Variants in PHKB observed in about 807,000 individuals in gnomAD.
PHKB encodes phosphorylase kinase regulatory subunit beta.
A neutral mutation model predicts 152.1 loss-of-function variants in PHKB; 122 were observed. The ratio of observed to expected loss-of-function variants is 0.80; its 90% CI spans 0.69 to 0.93. The LOEUF (loss-of-function observed/expected upper bound fraction) is 0.93, where lower values mean the gene tolerates loss of function less well. Among genes scored for constraint, PHKB ranks in the 40% least tolerant of loss-of-function variants. PHKB has a pLI of 0.00. For synonymous variants in PHKB, 436 were observed against 464.9 expected, an observed-to-expected ratio of 0.94 and a Z score of 0.80; for missense variants, 1,304 against 1,328.4, an observed-to-expected ratio of 0.98 and a Z score of 0.29.
intron 8 of PHKB, among the ~76,000 whole-genome samples, chr16:47,580,573 A>G (rs1190189825): frequency 6.6e-6 from 1 of 151,594 alleles, no homozygotes; most frequent in Non-Finnish European, 1.5e-5. Context: ...AAAAAAAAAA[A>G]AAGAAAATTT....
At chr16:47,634,064 AT>A (rs962252488) in intron 14 of PHKB, among the ~76,000 whole-genome samples, 1 of 152,002 alleles carries the variant, frequency 6.6e-6, no homozygotes, top group Non-Finnish European at 1.5e-5. Context: ...TAGATGGCTA[AT>A]TTTTTTTGGA....
intron 2 of PHKB, 87 bp from the exon 3 acceptor site, chr16:47,499,669 A>T: frequency 1.3e-6 from 2 of 1,500,582 alleles, no homozygotes; most frequent in Non-Finnish European, 1.9e-6. Context: ...CAGAAGTGGG[A>T]TGAGGAAACC....
At chr16:47,679,084 T>C (rs1973795363) in intron 26 of PHKB, among the ~76,000 whole-genome samples, 1 of 152,118 alleles carries the variant, frequency 6.6e-6, no homozygotes, top group Non-Finnish European at 1.5e-5. Context: ...TGGTTGTAGA[T>C]ATGTGGCATT....
At chr16:47,635,276 ATAAGTTTTTT>A (rs2151723211) in intron 14 of PHKB, among the ~76,000 whole-genome samples, 1 of 152,298 alleles carries the variant, frequency 6.6e-6, no homozygotes, top group Non-Finnish European at 1.5e-5. Context: ...ATGATGTTGG[ATAAGTTTTTT>A]AACCACTCTT....
chr16:47,512,370 A>G (rs1033929214), intron 5 of PHKB, among the ~76,000 whole-genome samples: 1 of 152,202 alleles, frequency 6.6e-6, no homozygotes, highest in South Asian at 2.1e-4. Context: ...AAAATTATTT[A>G]TGTGCAAAAG....
At chr16:47,546,493 G>T (rs758118949) in intron 6 of PHKB, among the ~76,000 whole-genome samples, 1 of 152,130 alleles carries the variant, frequency 6.6e-6, no homozygotes. Flanking sequence ...ACTCAGAGGG[G>T]CACCCAGCTG....
intron 4 of PHKB, among the ~76,000 whole-genome samples, chr16:47,509,005 T>C (rs943886287): frequency 6.6e-6 from 1 of 152,220 alleles, no homozygotes; most frequent in Admixed American, 6.5e-5. Flanking sequence ...ATATAAATTG[T>C]CCTGCTGGGT....
chr16:47,651,105 T>TG (rs899244911), intron 20 of PHKB, among the ~76,000 whole-genome samples, 184 bp downstream of exon 20: 6 of 152,160 alleles, frequency 3.9e-5, no homozygotes, highest in Admixed American at 1.3e-4. Context: ...CTTGAACACT[T>TG]GCAGCAATTT....
chr16:47,615,445 AGATT>A (rs1243704667), intron 14 of PHKB, among the ~76,000 whole-genome samples: 5 of 152,250 alleles, frequency 3.3e-5, no homozygotes, highest in Admixed American at 2.0e-4. Context: ...TGCTAAAGAC[AGATT>A]GATTGGCCAA....
At chr16:47,659,887 C>T (rs751051096) in intron 20 of PHKB, among the ~76,000 whole-genome samples, 32 of 151,958 alleles carry the variant, frequency 2.1e-4, no homozygotes, top group Non-Finnish European at 1.6e-4. Context: ...TTTTTTGAGA[C>T]GGAGTCTCAC....
intron 6 of PHKB, among the ~76,000 whole-genome samples, chr16:47,523,518 A>G (rs569424519): frequency 3.2e-4 from 48 of 152,328 alleles, no homozygotes; most frequent in African/African-American, 1.1e-3. Flanking sequence ...AAGCTCTCAT[A>G]GGAAGTGCCC....
At chr16:47,495,233 T>C (rs552028807) in intron 1 of PHKB, among the ~76,000 whole-genome samples, 1 of 151,638 alleles carries the variant, frequency 6.6e-6, no homozygotes, top group South Asian at 2.1e-4. Context: ...AGAATCACTA[T>C]AGTCCCTTAG....
At chr16:47,597,084 G>T (rs1972133473) in intron 13 of PHKB, among the ~76,000 whole-genome samples, 1 of 152,120 alleles carries the variant, frequency 6.6e-6, no homozygotes, top group Non-Finnish European at 1.5e-5. Context: ...AGACAAATTT[G>T]ATAAACACAG....
chr16:47,560,533 A>G (rs77274606), intron 7 of PHKB, among the ~76,000 whole-genome samples: 6,057 of 152,338 alleles, frequency 0.04, 166 homozygotes, highest in Non-Finnish European at 0.063. Flanking sequence ...CAAAGCTACA[A>G]TAATTAAAAT....
intron 7 of PHKB, among the ~76,000 whole-genome samples, chr16:47,577,619 A>C (rs1971771873): frequency 1.3e-5 from 2 of 151,822 alleles, no homozygotes; most frequent in Non-Finnish European, 2.9e-5. Flanking sequence ...TAAGTGATGT[A>C]TTTACTGGTA....
chr16:47,474,949 C>G (rs1969843272), intron 1 of PHKB, among the ~76,000 whole-genome samples: 1 of 152,194 alleles, frequency 6.6e-6, no homozygotes, highest in Non-Finnish European at 1.5e-5. Flanking sequence ...GTCTCGAACT[C>G]CTGATTTCAG....
At chr16:47,464,140 T>C (rs1027746271) in intron 1 of PHKB, 1 of 681,734 alleles carries the variant, frequency 1.5e-6, no homozygotes, top group Non-Finnish European at 2.7e-6. Context: ...TTTGTTTAAC[T>C]TTGCATTGTG....
chr16:47,596,580 A>G (rs201749126), intron 13 of PHKB, 49 bp downstream of exon 13: 38 of 1,556,076 alleles, frequency 2.4e-5, no homozygotes, highest in Admixed American at 1.3e-4. Context: ...TTATTAAGCT[A>G]TTAGAAATAA....
intron 4 of PHKB, chr16:47,505,573 C>T (rs1374064130): frequency 6.6e-6 from 1 of 152,108 alleles, no homozygotes; most frequent in Admixed American, 6.5e-5. Context: ...ATATTTGTGT[C>T]GTTATCATTA....
Sources: allele counts gnomAD v4.1 joint callset (sites outside exome capture counted in the v4.1 genomes callset), GRCh38; gene constraint gnomAD v4.1.1; transcripts MANE v1.5; gene names NCBI Gene and HGNC (gene_info 2026-07-23, HGNC 2026-07-21).